Variants in SARAF observed in about 807,000 individuals in gnomAD.
SARAF encodes the protein store-operated calcium entry-associated regulatory factor.
SARAF carries 23 observed loss-of-function variants against 39.7 expected under a neutral mutation model. The observed-to-expected ratio is 0.58, with a 90% CI of 0.42 to 0.82. SARAF has a LOEUF of 0.82. Among genes scored for constraint, SARAF ranks in the 40% least tolerant of loss-of-function variants. The probability of loss-of-function intolerance (pLI) is 0.00; values close to 1 mark genes in which losing one functional copy is unlikely to be tolerated. For synonymous variants in SARAF, 175 were observed against 168.5 expected, an observed-to-expected ratio of 1.04 and a Z score of -0.30; for missense variants, 384 against 418.5, an observed-to-expected ratio of 0.92 and a Z score of 0.72.
chr8:30,082,830 G>T lies in SARAF; in HGVS notation c.103+17C>A, dbSNP rs1437267710. The T allele has an allele frequency of 2.1e-6, 3 of 1,440,454 alleles. No homozygotes were observed. In the Admixed American group the frequency reaches 7.0e-5, roughly 34 times the overall value. The allele number at this position is 1,440,454 out of a possible 1,614,324, so 89.2% of individuals were successfully genotyped here. On this transcript the variant is annotated intron_variant, in intron 1 of 5. Transcript: ENST00000256255. ...AAAAGGGCGAACGAAGCGCCTGAGG[G>T]CCCTGGCAGCACTCACCAGGGTCGT...
At chr8:30,077,638 C>T (rs1246793527) in intron 1 of SARAF, among the ~76,000 whole-genome samples, 3 of 151,346 alleles carry the variant, frequency 2.0e-5, no homozygotes, top group Non-Finnish European at 4.4e-5. Context: ...CCCGGCTCTA[C>T]TAAAAATACA....
chr8:30,079,158 CAAAAAAAAAA>C (rs60893961), intron 1 of SARAF, among the ~76,000 whole-genome samples: 1 of 54,682 alleles, frequency 1.8e-5, no homozygotes, highest in Non-Finnish European at 4.1e-5. Flanking sequence ...AACTCCATCT[CAAAAAAAAAA>C]AAAAAAAAAA....
rs757795145 is a variant in SARAF, at chr8:30,069,831, A to G, written c.511T>C (p.Cys171Arg). 2.9e-5 allele frequency: 47 copies of G among 1,614,060 alleles called. 2 individuals carry two copies. The South Asian group carries it at 5.1e-4, about 17-fold the overall frequency. ...ATGGTAATCAATCCACTCATGTTAC[A>G]GGAATCCGCCGAGGACCACTTATAA... ...YYYKWSSADS[C>R]NMSGLITIVV... The change falls in exon 3 of 6, where the codon TGT becomes CGT. Residue 171 changes from cysteine to arginine, a missense_variant. Physicochemically the swap from Cys to Arg is radical, Grantham distance 180. Coordinates refer to ENST00000256255, the MANE Select transcript of SARAF (RefSeq NM_016127.6).
chr8:30,066,152 A>T lies in SARAF; in HGVS notation c.843-13T>A. On this transcript the variant is annotated splice_polypyrimidine_tract_variant and intron_variant, in intron 4 of 5. Transcript: ENST00000256255. ...GGGTGTTGCCGCTCTTTAAAGGGATAAAAGTAGGTTAGGCATTTTTTTCTT... is the reference window on the plus strand; with the variant it reads ...GGGTGTTGCCGCTCTTTAAAGGGATTAAAGTAGGTTAGGCATTTTTTTCTT... 6.2e-7 allele frequency: 1 copy of T among 1,603,960 alleles called. No homozygotes were observed. Among genetic ancestry groups the T allele is most frequent in the Non-Finnish European group, 8.5e-7 (1 of 1,173,988 alleles).
intron 2 of SARAF, among the ~76,000 whole-genome samples, chr8:30,073,086 T>C (rs904692402): frequency 2.6e-5 from 4 of 152,292 alleles, no homozygotes; most frequent in African/African-American, 7.2e-5. Context: ...GGGGAAAATA[T>C]TGTGAAGTAA....
chr8:30,083,056 G>A lies in SARAF; in HGVS notation c.-107C>T, dbSNP rs1468621442. 2.5e-6 allele frequency: 2 copies of A among 809,880 alleles called. No individual in the cohort carries two copies. The highest frequency in any genetic ancestry group is 3.7e-6 in the Non-Finnish European group (2 of 536,062). The allele number at this position is 809,880 out of a possible 1,614,324, so 50.2% of individuals were successfully genotyped here. On this transcript the variant is annotated 5_prime_UTR_variant, in exon 1 of 6. Coordinates refer to ENST00000256255, the MANE Select transcript of SARAF (RefSeq NM_016127.6). The stretch of plus-strand genomic sequence containing the variant: ...CTACACCGCTACCCCTGGCGGCGGC[G>A]AAGGAACGGCCCGACTGCAGAGCTG...
At chr8:30,074,904 A>C (rs1471681501) in intron 1 of SARAF, among the ~76,000 whole-genome samples, 1 of 152,336 alleles carries the variant, frequency 6.6e-6, no homozygotes, top group East Asian at 1.9e-4. Context: ...AATCAAAACT[A>C]TTTAAACTAT....
intron 5 of SARAF, among the ~76,000 whole-genome samples, chr8:30,064,546 TATATATATA>T (rs1801628938): frequency 2.1e-5 from 1 of 46,870 alleles, no homozygotes; most frequent in Admixed American, 2.1e-4. Context: ...TATATATATA[TATATATATA>T]TATATATTTT....
chr8:30,070,809 ATTAC>A (rs1317504813), intron 2 of SARAF, among the ~76,000 whole-genome samples: 6 of 152,210 alleles, frequency 3.9e-5, no homozygotes, highest in African/African-American at 1.4e-4. Context: ...CAACAGAGAT[ATTAC>A]ATAACCTTCA....
At chr8:30,083,178 A>T (rs2117450710), upstream of SARAF, 1 of 436,904 alleles carries the variant, frequency 2.3e-6, no homozygotes, top group East Asian at 4.1e-5. Context: ...CCTGGAGCAC[A>T]GCGCGGCTTG....
chr8:30,077,570 G>A (rs1249988160), intron 1 of SARAF, among the ~76,000 whole-genome samples: 11 of 152,156 alleles, frequency 7.2e-5, no homozygotes, highest in African/African-American at 7.2e-5. Flanking sequence ...TTGGGAGGCC[G>A]AGGCAGGTGG....
chr8:30,075,065 C>T (rs1801925937), intron 1 of SARAF, among the ~76,000 whole-genome samples: 1 of 152,000 alleles, frequency 6.6e-6, no homozygotes, highest in African/African-American at 2.4e-5. Context: ...CTTTGGGAGG[C>T]CGAGGCACGT....
chr8:30,079,189 C>T (rs944298089), intron 1 of SARAF, among the ~76,000 whole-genome samples: 32 of 144,742 alleles, frequency 2.2e-4, no homozygotes, highest in Non-Finnish European at 4.4e-4. Context: ...AGATTATAAT[C>T]AAAATAGTAG....
At chr8:30,076,619 T>C (rs888478707) in intron 1 of SARAF, among the ~76,000 whole-genome samples, 1 of 152,226 alleles carries the variant, frequency 6.6e-6, no homozygotes, top group African/African-American at 2.4e-5. Flanking sequence ...GGAAACTTAA[T>C]CCCCAATGCA....
intron 1 of SARAF, among the ~76,000 whole-genome samples, chr8:30,077,439 C>G (rs1188930795): frequency 6.6e-6 from 1 of 151,792 alleles, no homozygotes; most frequent in Non-Finnish European, 1.5e-5. Context: ...AGAGTGAGAC[C>G]CTGTCACAAA....
At position 30,064,549 on chromosome 8, in the gene SARAF, A is replaced by ATTTTTTT. The variant is rs1285474401; in HGVS notation, c.995-637_995-636insAAAAAAA. On this transcript the variant is annotated intron_variant, in intron 5 of 5. Transcript: ENST00000256255. Reference sequence around the variant, plus strand: ...CTTACCTAGCCATATATATATATATATATATATATATATTTTTTTTTTTTT... The same window carrying ATTTTTTT: ...CTTACCTAGCCATATATATATATATATTTTTTTTATATATATATATTTTTTTTTTTTT... Among the ~76,000 whole-genome samples, 26 of 43,822 alleles carry ATTTTTTT rather than the reference A, an allele frequency of 5.9e-4. 2 individuals are homozygous for ATTTTTTT. The highest frequency in any genetic ancestry group is 0.016 in the Middle Eastern group (1 of 62). The allele number at this position is 43,822 out of a possible 152,430, so 28.7% of individuals were successfully genotyped here.
At chr8:30,076,005 C>CCCAAAAAAAAAAAAAAAAAAAAAAAAA (rs1801955438) in intron 1 of SARAF, among the ~76,000 whole-genome samples, 1 of 111,030 alleles carries the variant, frequency 9.0e-6, no homozygotes, top group Non-Finnish European at 1.6e-5. Flanking sequence ...AAAAAAAAAA[C>CCCAAAAAAAAAAAAAAAAAAAAAAAAA]AAAAAACGGG....
Position 30,063,731 on chromosome 8 carries a change from A to C in SARAF, c.*157T>G. The C allele has an allele frequency of 1.5e-6, 1 of 664,842 alleles. No individual in the cohort carries two copies. Among genetic ancestry groups the C allele is most frequent in the Non-Finnish European group, 2.6e-6 (1 of 378,366 alleles). 41.2% of individuals were successfully genotyped at this position (664,842 alleles called of 1,614,324 possible). On this transcript the variant is annotated 3_prime_UTR_variant, in exon 6 of 6. Transcript: ENST00000256255. ...TTGTCACACATCAACTTTTAGCCTCAAATAATAGAATACAAAAAGCTACAC... is the reference window on the plus strand; with the variant it reads ...TTGTCACACATCAACTTTTAGCCTCCAATAATAGAATACAAAAAGCTACAC...
intron 2 of SARAF, among the ~76,000 whole-genome samples, chr8:30,072,867 T>C (rs1264109475): frequency 6.6e-6 from 1 of 152,246 alleles, no homozygotes; most frequent in Non-Finnish European, 1.5e-5. Flanking sequence ...CTACATGTAA[T>C]CTGAGTGCCT....
Sources: allele counts gnomAD v4.1 joint callset (sites outside exome capture counted in the v4.1 genomes callset), GRCh38; gene constraint gnomAD v4.1.1; transcripts MANE v1.5; gene names NCBI Gene and HGNC (gene_info 2026-07-23, HGNC 2026-07-21).